INPP4B: variants seen among roughly 807,000 people sequenced by gnomAD.
The protein encoded by INPP4B is inositol polyphosphate-4-phosphatase type II B, also known as inositol polyphosphate 4-phosphatase type II.
A neutral mutation model predicts 122.5 loss-of-function variants in INPP4B; 55 were observed. The ratio of observed to expected loss-of-function variants is 0.45; its 90% confidence interval spans 0.36 to 0.56. The LOEUF is 0.56. Among genes scored for constraint, INPP4B ranks in the 20% least tolerant of loss-of-function variants. INPP4B has a pLI of 0.00. For missense variants in INPP4B, 1,000 were observed against 1,097.7 expected, an observed-to-expected ratio of 0.91 and a Z score of 1.26; for synonymous variants, 403 against 388.7, an observed-to-expected ratio of 1.04 and a Z score of -0.43.
At chr4:142,658,526 T>A (rs1231312590) in intron 2 of INPP4B, among the ~76,000 whole-genome samples, 1 of 152,264 alleles carries the variant, frequency 6.6e-6, no homozygotes, top group Non-Finnish European at 1.5e-5. Context: ...GTGATCAAGA[T>A]ATGGAGCATG....
intron 7 of INPP4B, among the ~76,000 whole-genome samples, chr4:142,333,389 A>C (rs1775427088): frequency 6.6e-6 from 1 of 152,226 alleles, no homozygotes; most frequent in African/African-American, 2.4e-5. Flanking sequence ...GAAACAATTG[A>C]TGCATTCGTT....
chr4:142,032,043 A>AAAGT (rs1340575849), intron 25 of INPP4B, among the ~76,000 whole-genome samples: 16 of 152,224 alleles, frequency 1.1e-4, no homozygotes, highest in African/African-American at 3.6e-4. Flanking sequence ...TTTAAATAGG[A>AAAGT]AAGTTAGAGA....
chr4:142,375,350 G>A (rs1791456897), intron 7 of INPP4B, among the ~76,000 whole-genome samples: 1 of 150,852 alleles, frequency 6.6e-6, no homozygotes, highest in Non-Finnish European at 1.5e-5. Context: ...ATATGTCAGT[G>A]TCAGTATTTC....
intron 15 of INPP4B, among the ~76,000 whole-genome samples, chr4:142,175,413 T>C (rs1004065971): frequency 1.7e-4 from 26 of 152,176 alleles, no homozygotes; most frequent in African/African-American, 5.5e-4. Context: ...ATTTATTTAC[T>C]TATTTAGTAA....
intron 3 of INPP4B, among the ~76,000 whole-genome samples, chr4:142,441,510 T>C (rs551968180): frequency 1.3e-5 from 2 of 152,282 alleles, no homozygotes; most frequent in African/African-American, 4.8e-5. Context: ...GAAACACACA[T>C]GGGTCTAAAT....
Position 142,730,307 on chromosome 4 carries a change from C to T in INPP4B, c.-253-4406G>A, listed in dbSNP as rs375215071. Among the ~76,000 whole-genome samples the T allele has an allele frequency of 3.3e-5, 5 of 152,246 alleles. No homozygotes were observed. In the East Asian group the frequency reaches 5.8e-4, roughly 18 times the overall value. On this transcript the variant is annotated intron_variant, in intron 1 of 25. Transcript: ENST00000262992. ...TTCACATCATATGATATTAGTTTTT[C>T]ACAATTTGTGTTTTAAGAAACTCAT...
chr4:142,829,041 T>G (rs28715653), intron 1 of INPP4B, among the ~76,000 whole-genome samples: 23,787 of 137,960 alleles, frequency 0.17, 3,391 homozygotes, highest in African/African-American at 0.41. Context: ...AGGAGGGAGA[T>G]TGAGACTTAA....
intron 1 of INPP4B, among the ~76,000 whole-genome samples, chr4:142,828,327 A>G (rs1340182044): frequency 2.0e-5 from 3 of 152,170 alleles, no homozygotes; most frequent in Non-Finnish European, 2.9e-5. Context: ...ACAATACTCA[A>G]AAGTGAAATA....
chr4:142,062,772 A>G (rs112989290), intron 25 of INPP4B, among the ~76,000 whole-genome samples: 47 of 136,756 alleles, frequency 3.4e-4, no homozygotes, highest in African/African-American at 1.1e-3. Context: ...CAAACAAACA[A>G]ACAGACAAAC....
chr4:142,032,765 C>T (rs539355400), intron 25 of INPP4B, among the ~76,000 whole-genome samples: 1 of 152,210 alleles, frequency 6.6e-6, no homozygotes, highest in South Asian at 2.1e-4. Context: ...ATAATAACAA[C>T]ATGTATATCA....
intron 1 of INPP4B, among the ~76,000 whole-genome samples, chr4:142,751,283 C>CAAAAAAAAAAAAAAAAAAAAAAAAGAA: frequency 9.5e-6 from 1 of 105,100 alleles, no homozygotes; most frequent in Non-Finnish European, 2.1e-5. Flanking sequence ...TTAACTGTGT[C>CAAAAAAAAAAAAAAAAAAAAAAAAGAA]AAAAAAAAAA....
intron 14 of INPP4B, among the ~76,000 whole-genome samples, chr4:142,206,006 T>G (rs1449776090): frequency 6.6e-6 from 1 of 152,092 alleles, no homozygotes; most frequent in African/African-American, 2.4e-5. Flanking sequence ...TATAAATTAT[T>G]CTCTAACAGT....
intron 10 of INPP4B, among the ~76,000 whole-genome samples, chr4:142,262,944 T>C (rs1431548421): frequency 1.3e-5 from 2 of 152,298 alleles, no homozygotes; most frequent in South Asian, 4.1e-4. Context: ...GAAGGGGATG[T>C]ATTTGTATTC....
At chr4:142,446,010 A>G (rs1205301706) in intron 3 of INPP4B, among the ~76,000 whole-genome samples, 1 of 152,114 alleles carries the variant, frequency 6.6e-6, no homozygotes, top group African/African-American at 2.4e-5. Context: ...ACTATATATC[A>G]AAATATGCTT....
intron 2 of INPP4B, among the ~76,000 whole-genome samples, chr4:142,627,915 T>C (rs1243078420): frequency 6.6e-6 from 1 of 151,932 alleles, no homozygotes; most frequent in Non-Finnish European, 1.5e-5. Context: ...TATTGATTAT[T>C]GCCACAATTT....
chr4:142,561,666 G>A (rs1039202892), intron 2 of INPP4B, among the ~76,000 whole-genome samples: 7 of 152,028 alleles, frequency 4.6e-5, no homozygotes, highest in African/African-American at 7.2e-5. Context: ...TGATCCTCCC[G>A]CCTCGGCCTC....
chr4:142,837,342 T>A (rs1028018727), intron 1 of INPP4B, among the ~76,000 whole-genome samples: 2 of 151,904 alleles, frequency 1.3e-5, no homozygotes, highest in African/African-American at 2.4e-5. Flanking sequence ...ATTTAGGGAG[T>A]ACAAATACAG....
At chr4:142,592,896 T>A (rs376927602) in intron 2 of INPP4B, among the ~76,000 whole-genome samples, 1 of 151,180 alleles carries the variant, frequency 6.6e-6, no homozygotes, top group East Asian at 2.0e-4. Flanking sequence ...AGGTCAGGAG[T>A]TCAAGACCAG....
intron 9 of INPP4B, among the ~76,000 whole-genome samples, chr4:142,288,002 T>C (rs749214179): frequency 6.6e-5 from 10 of 152,098 alleles, no homozygotes; most frequent in Non-Finnish European, 1.3e-4. Context: ...CTCTCAGGTA[T>C]CCCTTCTTAT....
Sources: gnomAD v4.1 joint callset for allele counts (sites outside exome capture counted in the v4.1 genomes callset) on GRCh38, gnomAD v4.1.1 for gene constraint, MANE v1.5 for transcripts, NCBI Gene and HGNC (gene_info 2026-07-23, HGNC 2026-07-21) for gene names.